MYH14: variants seen among roughly 807,000 people sequenced by gnomAD.
The protein encoded by MYH14 is myosin-14.
A neutral mutation model predicts 255.5 loss-of-function variants in MYH14; 123 were observed. That is an observed-to-expected ratio of 0.48 (90% CI 0.42 to 0.56). The LOEUF is 0.56. Among genes scored for constraint, MYH14 ranks in the 20% least tolerant of loss-of-function variants. The pLI, the probability that MYH14 is intolerant of heterozygous loss-of-function variation, is 0.00. For synonymous variants in MYH14, 1,095 were observed against 1,161.2 expected, an observed-to-expected ratio of 0.94 and a Z score of 1.16; for missense variants, 2,423 against 2,802.3, an observed-to-expected ratio of 0.86 and a Z score of 3.06.
chr19:50,261,909 C>T (rs2034895148), intron 21 of MYH14, among the ~76,000 whole-genome samples: 1 of 152,142 alleles, frequency 6.6e-6, no homozygotes, highest in African/African-American at 2.4e-5. Context: ...CTGGGTTTCC[C>T]AGGGTGCAGG....
chr19:50,285,871 C>G (rs2035872903), intron 33 of MYH14: 1 of 152,222 alleles, frequency 6.6e-6, no homozygotes, highest in Admixed American at 6.5e-5. Flanking sequence ...TGTGTCCAGT[C>G]TGCTACTAAT....
At chr19:50,213,113 C>A (rs551714912) in intron 2 of MYH14, among the ~76,000 whole-genome samples, 5,819 of 152,082 alleles carry the variant, frequency 0.038, 116 homozygotes, top group Middle Eastern at 0.054. Context: ...CCACCAGGCC[C>A]AGCTAATTTT....
At chr19:50,238,255 G>A (rs1477269705) in intron 10 of MYH14, among the ~76,000 whole-genome samples, 1 of 152,148 alleles carries the variant, frequency 6.6e-6, no homozygotes, top group African/African-American at 2.4e-5. Context: ...GGTCCTCAGG[G>A]CATCAGATGC....
chr19:50,265,020 T>C (rs763726351), intron 22 of MYH14, among the ~76,000 whole-genome samples: 1 of 152,210 alleles, frequency 6.6e-6, no homozygotes, highest in African/African-American at 2.4e-5. Flanking sequence ...GAGCACCTAC[T>C]ATGTGCCCAG....
At chr19:50,245,526 C>T (rs1387503509) in intron 11 of MYH14, among the ~76,000 whole-genome samples, 1 of 151,954 alleles carries the variant, frequency 6.6e-6, no homozygotes, top group Non-Finnish European at 1.5e-5. Flanking sequence ...TTGCTGCTCA[C>T]ATTTTGGGAT....
intron 18 of MYH14, among the ~76,000 whole-genome samples, chr19:50,257,914 G>C (rs939776609): frequency 6.6e-6 from 1 of 152,146 alleles, no homozygotes; most frequent in Non-Finnish European, 1.5e-5. Context: ...AAGGATACGT[G>C]ATATTCCAGG....
rs774739491 is a variant in MYH14, at chr19:50,293,624, G to C, written c.5406G>C (p.Glu1802Asp). 3 of 1,612,702 alleles carry C rather than the reference G, an allele frequency of 1.9e-6. No homozygotes were observed. The highest frequency in any genetic ancestry group is 2.7e-5 in the African/African-American group (2 of 74,900). The change falls in exon 39 of 43, where the codon GAG (glutamate) becomes GAC (aspartate). Residue 1802 changes from glutamate to aspartate, a missense_variant. Transcript: ENST00000642316. The surrounding 1 kb of genome is among the most constrained non-coding windows in gnomAD (Gnocchi z 4.1). ...GGCGCCTGGGGCAGTTGGAGGAAGA[G>C]CTGGAGGAGGAGCAGAGCAACTCGG... ...LEGRLGQLEE[E>D]LEEEQSNSEL...
chr19:50,275,884 T>A, intron 27 of MYH14, 107 bp from the exon 28 acceptor site: 1 of 826,712 alleles, frequency 1.2e-6, no homozygotes, highest in Non-Finnish European at 1.9e-6. Flanking sequence ...GATTCTAACC[T>A]GGGACTGGCC....
chr19:50,273,917 AC>A (rs1289022890), intron 27 of MYH14, among the ~76,000 whole-genome samples: 1 of 151,908 alleles, frequency 6.6e-6, no homozygotes, highest in African/African-American at 2.4e-5. Flanking sequence ...GAGGCACTGC[AC>A]CCGGCCGTGA....
Position 50,263,339 on chromosome 19 carries a change from G to C in MYH14, c.2613G>C (p.Gln871His). ...RRAFQKRQQQ[Q>H]SALRVMQRNC... Reference sequence around the variant, plus strand: ...CCTTCCAGAAGCGCCAGCAGCAGCAGAGCGCCCTGAGGGTGATGCAGCGGA... The same window carrying C: ...CCTTCCAGAAGCGCCAGCAGCAGCACAGCGCCCTGAGGGTGATGCAGCGGA... The change falls in exon 22 of 43, where the codon CAG becomes CAC. Residue 871 changes from glutamine to histidine, a missense_variant. Gln to His is a conservative substitution (Grantham distance 24). Transcript: ENST00000642316. 1.9e-6 allele frequency: 3 copies of C among 1,581,960 alleles called. No individual in the cohort carries two copies. The highest frequency in any genetic ancestry group is 2.6e-6 in the Non-Finnish European group (3 of 1,164,090).
In MYH14 at chr19:50,266,948, G is replaced by T; in HGVS notation, c.2766G>T (p.Val922=). The part of the protein sequence containing the change: ...LQARAQELQK[V]QELQQQSARE... ...CACGGGCCCAGGAGCTGCAGAAAGT[G>T]CAGGAGCTACAGCAGCAGAGCGCCC... The change falls in exon 23 of 43, where the codon GTG becomes GTT. Residue 922 remains valine, a synonymous_variant. Coordinates refer to ENST00000642316, the MANE Select transcript of MYH14 (RefSeq NM_001145809.2). This position sits in a 1 kb window ranked among gnomAD's most constrained non-coding sequence, Gnocchi z 4.1. 1 of 1,560,764 alleles carries T rather than the reference G, an allele frequency of 6.4e-7. No individual in the cohort carries two copies. Among genetic ancestry groups the T allele is most frequent in the Non-Finnish European group, 8.7e-7 (1 of 1,152,190 alleles).
intron 24 of MYH14, among the ~76,000 whole-genome samples, chr19:50,270,571 A>ATAAAT (rs2035260227): frequency 2.0e-5 from 3 of 151,772 alleles, no homozygotes; most frequent in Non-Finnish European, 4.4e-5. Flanking sequence ...ATAAAATAAA[A>ATAAAT]TAAATTCAAA....
chr19:50,297,190 T>C (rs1428978563), intron 39 of MYH14, among the ~76,000 whole-genome samples: 3 of 152,162 alleles, frequency 2.0e-5, no homozygotes, highest in Non-Finnish European at 4.4e-5. Flanking sequence ...TTCACCATGT[T>C]GGCCAGGCTG....
At position 50,208,173 on chromosome 19, in the gene MYH14, G is replaced by T. The variant is rs184234385; in HGVS notation, c.-3-2190G>T. On this transcript the variant is annotated intron_variant, in intron 1 of 42. Transcript: ENST00000642316. ...CTCGTGCCTGTAATCCCAGCACTTT[G>T]GGAGGCCCAGGCGGGCGGATCACCT... 9.7e-3 allele frequency among the ~76,000 whole-genome samples: 1,475 copies of T among 152,306 alleles called. 29 individuals are homozygous for T. The highest frequency in any genetic ancestry group is 0.033 in the African/African-American group (1,381 of 41,560).
At chr19:50,278,499 G>A (rs941365323) in intron 30 of MYH14, among the ~76,000 whole-genome samples, 8 of 151,950 alleles carry the variant, frequency 5.3e-5, no homozygotes, top group African/African-American at 1.4e-4. Flanking sequence ...CCAGGAGTTC[G>A]AGACCAGCCT....
chr19:50,292,379 G>T lies in MYH14; in HGVS notation c.5246G>T (p.Arg1749Leu). The change falls in exon 37 of 43, where the codon CGG becomes CTG. Residue 1749 changes from arginine (R) to leucine (L), a missense_variant. By Grantham distance (102) the Arg-to-Leu change is moderately radical. Coordinates refer to ENST00000642316, the MANE Select transcript of MYH14 (RefSeq NM_001145809.2). The stretch of plus-strand genomic sequence containing the variant: ...AAGGGCCTGGAGGCTGAGGTGCTGC[G>T]GCTGCAGGAGGTGAGGCTGGGGTAG... ...RLKGLEAEVL[R>L]LQEELAASDR... The T allele has an allele frequency of 2.5e-6, 4 of 1,582,866 alleles. No individual in the cohort carries two copies. Among genetic ancestry groups the T allele is most frequent in the Non-Finnish European group, 3.4e-6 (4 of 1,165,384 alleles).
chr19:50,309,561 T>G, intron 42 of MYH14, 79 bp from the exon 43 acceptor site: 5 of 768,696 alleles, frequency 6.5e-6, no homozygotes, highest in Non-Finnish European at 8.3e-6. Flanking sequence ...CTCCCCCTCA[T>G]CTCTCTCTCT....
chr19:50,296,770 G>A (rs765913971), intron 39 of MYH14, among the ~76,000 whole-genome samples: 7 of 152,240 alleles, frequency 4.6e-5, no homozygotes, highest in Non-Finnish European at 1.0e-4. Flanking sequence ...AGAAGTCAAC[G>A]TGAAGAGCCT....
intron 1 of MYH14, among the ~76,000 whole-genome samples, chr19:50,208,113 C>A (rs2031919626): frequency 6.6e-6 from 1 of 152,184 alleles, no homozygotes; most frequent in Admixed American, 6.5e-5. Flanking sequence ...TGGTATTTAT[C>A]ACCATTTAAT....
Sources: gnomAD v4.1 joint callset for allele counts (sites outside exome capture counted in the v4.1 genomes callset) on GRCh38, gnomAD v4.1.1 for gene constraint, Gnocchi (gnomAD v3.1) non-coding constraint, MANE v1.5 for transcripts, NCBI Gene and HGNC (gene_info 2026-07-23, HGNC 2026-07-21) for gene names.